F13B: variants seen among roughly 807,000 people sequenced by gnomAD.
The protein encoded by F13B is coagulation factor XIII B chain.
F13B carries 58 observed loss-of-function variants against 79.8 expected under a neutral mutation model. That is an observed-to-expected ratio of 0.73 (90% CI 0.59 to 0.90). The LOEUF (loss-of-function observed/expected upper bound fraction) is 0.90, where lower values mean the gene tolerates loss of function less well. F13B is among the 40% of genes least tolerant of loss of function. The pLI is 0.00. For synonymous variants in F13B, 283 were observed against 260.3 expected (o/e 1.09, Z -0.84); for missense variants, 773 against 777.0 (o/e 0.99, Z 0.06).
chr1:197,067,063 T>C (rs1033197821), intron 1 of F13B, 97 bp downstream of exon 1: 3 of 587,562 alleles, frequency 5.1e-6, no homozygotes, highest in Admixed American at 3.3e-5. Flanking sequence ...AAATTGATAA[T>C]GAAAATAGAA....
At chr1:197,039,628 G>C (rs1034341239) in intron 11 of F13B, among the ~76,000 whole-genome samples, 1 of 151,764 alleles carries the variant, frequency 6.6e-6, no homozygotes, top group Non-Finnish European at 1.5e-5. Context: ...TATTTTCTAC[G>C]TGTTTACCTT....
intron 5 of F13B, among the ~76,000 whole-genome samples, chr1:197,059,290 T>C (rs1655759508): frequency 6.6e-6 from 1 of 152,154 alleles, no homozygotes. Context: ...TCTACTACTA[T>C]ACCAAGGATG....
At position 197,050,841 on chromosome 1, in the gene F13B, G is replaced by A. The variant is rs1350946967; in HGVS notation, c.1594C>T (p.His532Tyr). 3 of 1,613,122 alleles carry A rather than the reference G, an allele frequency of 1.9e-6. No homozygotes were observed. The highest frequency in any genetic ancestry group is 3.3e-5 in the Admixed American group (2 of 59,850). Residue 532 changes from histidine (H) to tyrosine (Y), a missense_variant, in exon 10 of 12, where the codon CAT (histidine) becomes TAT (tyrosine). His to Tyr is a moderately conservative substitution (Grantham distance 83). Coordinates refer to ENST00000367412, the MANE Select transcript of F13B (RefSeq NM_001994.3). ...GMCTSPPLIK[H>Y]GVIISSTVDT... ...ACTGTTGAACTAATAATGACTCCAT[G>A]TTTAATAAGAGGAGGAGATGTGCAC...
rs753822948 is a variant in F13B, at chr1:197,062,851, A to G, written c.265+6T>C. Reference sequence around the variant, plus strand: ...AAACATTGAGTGACATATCCAGCTGACTTACTGAAGCACCTTGGCTCTGGA... The same window carrying G: ...AAACATTGAGTGACATATCCAGCTGGCTTACTGAAGCACCTTGGCTCTGGA... On this transcript the variant is annotated splice_donor_region_variant and intron_variant, in intron 2 of 11. Coordinates refer to ENST00000367412, the MANE Select transcript of F13B (RefSeq NM_001994.3). 1 of 1,613,440 alleles carries G rather than the reference A, an allele frequency of 6.2e-7. No individual in the cohort carries two copies. The highest frequency in any genetic ancestry group is 8.5e-7 in the Non-Finnish European group (1 of 1,179,492).
At chr1:197,051,544 CAAG>C (rs1421602985) in intron 9 of F13B, among the ~76,000 whole-genome samples, 2 of 152,100 alleles carry the variant, frequency 1.3e-5, no homozygotes, top group African/African-American at 4.8e-5. Context: ...TGAGTGCTCA[CAAG>C]AAGGTGATCA....
intron 11 of F13B, chr1:197,040,297 T>G: frequency 2.0e-6 from 1 of 497,178 alleles, no homozygotes; most frequent in Admixed American, 3.6e-5. Context: ...GTGTCACAAA[T>G]ATCAAATGGC....
intron 1 of F13B, among the ~76,000 whole-genome samples, chr1:197,066,471 C>T (rs375943213): frequency 5.9e-5 from 9 of 152,092 alleles, no homozygotes; most frequent in African/African-American, 2.4e-5. Context: ...AGCTTCCACT[C>T]GCACACTAAT....
At chr1:197,061,263 A>C (rs1464522526) in intron 3 of F13B, among the ~76,000 whole-genome samples, 188 bp from the exon 4 acceptor site, 1 of 152,014 alleles carries the variant, frequency 6.6e-6, no homozygotes, top group Middle Eastern at 3.2e-3. Context: ...TAACTCTACC[A>C]GTTTTCTGTT....
rs797044453 is a variant in F13B, at chr1:197,052,690, TC to T, written c.1498del (p.Glu500AsnfsTer11). On this transcript the variant is annotated frameshift_variant, in exon 9 of 12. Coordinates refer to ENST00000367412, the MANE Select transcript of F13B (RefSeq NM_001994.3). LOFTEE classifies it high-confidence loss of function. ...YDLSPLTPLS[E>X]LSVQCNRGEV... ...TCCTCTGTTGCACTGCACAGATAAT[TC>T]AGACAATGGGGTTAATGGAGATAAG... The T allele has an allele frequency of 2.5e-6, 4 of 1,612,242 alleles. No individual in the cohort carries two copies. In the East Asian group the frequency reaches 8.9e-5, roughly 36 times the overall value.
At position 197,061,804 on chromosome 1, in the gene F13B, G is replaced by A. The variant is rs1558311941; in HGVS notation, c.431C>T (p.Pro144Leu). Reference sequence around the variant, plus strand: ...TATACCATGTTCTTTCCTACAGGTTGGTTGAGAAGACCATCCATCAGAGAG... The same window carrying A: ...TATACCATGTTCTTTCCTACAGGTTAGTTGAGAAGACCATCCATCAGAGAG... ...QCLSDGWSSQ[P>L]TCRKEHETCL... The change falls in exon 3 of 12, where the codon CCA (proline) becomes CTA (leucine). Residue 144 changes from proline to leucine, a missense_variant. Coordinates refer to ENST00000367412, the MANE Select transcript of F13B (RefSeq NM_001994.3). 1 of 1,613,150 alleles carries A rather than the reference G, an allele frequency of 6.2e-7. No homozygotes were observed. The highest frequency in any genetic ancestry group is 1.3e-5 in the African/African-American group (1 of 74,968).
At chr1:197,047,312 A>G (rs1484754256) in intron 10 of F13B, among the ~76,000 whole-genome samples, 1 of 152,228 alleles carries the variant, frequency 6.6e-6, no homozygotes. Flanking sequence ...AAAGTTTACG[A>G]GAAAAAAACA....
chr1:197,055,973 G>T (rs537982859), intron 7 of F13B, 76 bp from the exon 8 acceptor site: 10 of 1,210,924 alleles, frequency 8.3e-6, no homozygotes, highest in African/African-American at 4.6e-5. Context: ...ATAGTGTCTC[G>T]ATATTTGTAT....
chr1:197,047,398 T>C (rs183140871), intron 10 of F13B, among the ~76,000 whole-genome samples: 2 of 152,070 alleles, frequency 1.3e-5, no homozygotes, highest in Non-Finnish European at 2.9e-5. Context: ...AACAGACATA[T>C]GAAAAAATGC....
In F13B at chr1:197,061,833, T is replaced by C; in HGVS notation, c.402A>G (p.Gln134=). The part of the protein sequence containing the change: ...TTGGKDEEVV[Q]CLSDGWSSQP... ...GAGAAGACCATCCATCAGAGAGACA[T>C]TGAACCACTTCTTCATCCTTCCCTC... Residue 134 remains glutamine, a synonymous_variant, in exon 3 of 12, where the codon CAA becomes CAG. Transcript: ENST00000367412. The C allele has an allele frequency of 6.2e-7, 1 of 1,613,478 alleles. No individual in the cohort carries two copies. The highest frequency in any genetic ancestry group is 1.3e-5 in the African/African-American group (1 of 75,026).
intron 10 of F13B, among the ~76,000 whole-genome samples, chr1:197,043,028 T>A (rs1388246062): frequency 6.6e-6 from 1 of 151,744 alleles, no homozygotes; most frequent in African/African-American, 2.4e-5. Flanking sequence ...TTTAGAAGGA[T>A]AGGAAGTGTA....
chr1:197,054,751 T>C (rs551685139), intron 8 of F13B, among the ~76,000 whole-genome samples: 3 of 152,026 alleles, frequency 2.0e-5, no homozygotes, highest in African/African-American at 7.2e-5. Context: ...AATGTCAAGA[T>C]TAAAATATTC....
In F13B at chr1:197,042,617, G is replaced by C. The variant is rs1655077646; in HGVS notation, c.1739-1882C>G. 2.1e-5 allele frequency among the ~76,000 whole-genome samples: 3 copies of C among 145,434 alleles called. No individual in the cohort carries two copies. The South Asian group carries it at 6.8e-4, about 33-fold the overall frequency. On this transcript the variant is annotated intron_variant, in intron 10 of 11. Coordinates refer to ENST00000367412, the MANE Select transcript of F13B (RefSeq NM_001994.3). Reference sequence around the variant, plus strand: ...GCGGATCATCTGAGGTCAGGAGTTTGAGACCAGCCTGGCCAACATGGTGAA... The same window carrying C: ...GCGGATCATCTGAGGTCAGGAGTTTCAGACCAGCCTGGCCAACATGGTGAA...
Position 197,039,082 on chromosome 1 carries a change from C to A in F13B, c.*296G>T. On this transcript the variant is annotated 3_prime_UTR_variant, in exon 12 of 12. Transcript: ENST00000367412. Reference sequence around the variant, plus strand: ...TTTTGCACATACAGTATATTGAAAACAACTATATAGTCTAGTCAATGGGCA... The same window carrying A: ...TTTTGCACATACAGTATATTGAAAAAAACTATATAGTCTAGTCAATGGGCA... 6.8e-6 allele frequency: 2 copies of A among 293,108 alleles called. No homozygotes were observed. The highest frequency in any genetic ancestry group is 5.2e-5 in the South Asian group (1 of 19,182). 18.2% of individuals were successfully genotyped at this position (293,108 alleles called of 1,614,324 possible).
chr1:197,039,289 C>A lies in F13B; in HGVS notation c.*89G>T. On this transcript the variant is annotated 3_prime_UTR_variant, in exon 12 of 12. Coordinates refer to ENST00000367412, the MANE Select transcript of F13B (RefSeq NM_001994.3). ...CAAATATTTAAGCAAGGAAAAACTC[C>A]GAAGTTTTTAACTTATTTCCTCAAA... 8.8e-7 allele frequency: 1 copy of A among 1,140,294 alleles called. No individual in the cohort carries two copies. The highest frequency in any genetic ancestry group is 1.5e-5 in the African/African-American group (1 of 64,782). The allele number at this position is 1,140,294 out of a possible 1,614,324, so 70.6% of individuals were successfully genotyped here.
Sources: allele counts gnomAD v4.1 joint callset (sites outside exome capture counted in the v4.1 genomes callset), GRCh38; gene constraint gnomAD v4.1.1; transcripts MANE v1.5; gene names NCBI Gene and HGNC (gene_info 2026-07-23, HGNC 2026-07-21).